The following LIFR variants were observed in gnomAD, a reference collection of about 807,000 sequenced individuals.
LIFR encodes the protein LIF receptor subunit alpha, also known as leukemia inhibitory factor receptor.
A neutral mutation model predicts 122.2 loss-of-function variants in LIFR; 84 were observed. That is an observed-to-expected ratio of 0.69 (90% CI 0.58 to 0.82). The LOEUF (loss-of-function observed/expected upper bound fraction) is 0.82, where lower values mean the gene tolerates loss of function less well. Among genes scored for constraint, LIFR ranks in the 40% least tolerant of loss-of-function variants. The probability of loss-of-function intolerance (pLI) is 0.00; values close to 1 mark genes in which losing one functional copy is unlikely to be tolerated. For missense variants in LIFR, 1,294 were observed against 1,311.6 expected, an observed-to-expected ratio of 0.99 and a Z score of 0.21; for synonymous variants, 422 against 434.7, an observed-to-expected ratio of 0.97 and a Z score of 0.36.
chr5:38,511,691 G>T, intron 6 of LIFR, 99 bp downstream of exon 6: 1 of 1,169,104 alleles, frequency 8.6e-7, no homozygotes, highest in Non-Finnish European at 1.3e-6. Flanking sequence ...TCATGCAGCT[G>T]AATGAGGTTA....
chr5:38,596,747 G>T (rs2112775397), upstream of LIFR, among the ~76,000 whole-genome samples: 1 of 152,102 alleles, frequency 6.6e-6, no homozygotes, highest in East Asian at 1.9e-4. Flanking sequence ...GATCACACCT[G>T]GTCAACCCTA....
chr5:38,506,427 G>A (rs1745486262), intron 8 of LIFR, 76 bp downstream of exon 8: 1 of 1,508,222 alleles, frequency 6.6e-7, no homozygotes, highest in Admixed American at 1.7e-5. Context: ...ATGATCTAGT[G>A]CAGTTCCCTA....
rs752493157 is a variant in LIFR at position 38,506,559 on chromosome 5, T to C, written c.1065A>G (p.Pro355=). 6.2e-7 allele frequency: 1 copy of C among 1,614,014 alleles called. No individual in the cohort carries two copies. The highest frequency in any genetic ancestry group is 1.7e-5 in the Admixed American group (1 of 60,026). Residue 355 remains proline (P), a synonymous_variant, in exon 8 of 20, where the codon CCA becomes CCG. Coordinates refer to ENST00000453190, the MANE Select transcript of LIFR (RefSeq NM_001127671.2). ...DLKEIICSWN[P]GRVTALVGPR... ...GGCCCACCAACGCTGTCACCCTTCCTGGATTCCAACTACATATAATTTCTT... is the reference window on the plus strand; with the variant it reads ...GGCCCACCAACGCTGTCACCCTTCCCGGATTCCAACTACATATAATTTCTT...
At chr5:38,489,011 T>A in intron 16 of LIFR, 67 bp downstream of exon 16, 2 of 1,395,092 alleles carry the variant, frequency 1.4e-6, no homozygotes, top group Non-Finnish European at 1.0e-6. Context: ...GGACTTTCCT[T>A]TTTTTTCTGT....
chr5:38,498,056 C>CT (rs1156824429), intron 12 of LIFR, among the ~76,000 whole-genome samples: 2 of 152,174 alleles, frequency 1.3e-5, no homozygotes, highest in African/African-American at 4.8e-5. Flanking sequence ...TTCATAACAA[C>CT]TGCCTTAATT....
chr5:38,529,432 ATTAAAT>A (rs934640995), intron 2 of LIFR, among the ~76,000 whole-genome samples: 14 of 152,246 alleles, frequency 9.2e-5, no homozygotes, highest in African/African-American at 3.1e-4. Flanking sequence ...TATGAAGTAT[ATTAAAT>A]TTAAACAGTA....
At chr5:38,544,993 G>C (rs1355550732) in intron 1 of LIFR, among the ~76,000 whole-genome samples, 1 of 152,224 alleles carries the variant, frequency 6.6e-6, no homozygotes, top group African/African-American at 2.4e-5. Context: ...ATCATGGCCA[G>C]GCACAGTGGC....
chr5:38,540,316 G>T (rs902208956), intron 1 of LIFR, among the ~76,000 whole-genome samples: 1 of 152,172 alleles, frequency 6.6e-6, no homozygotes, highest in Non-Finnish European at 1.5e-5. Context: ...TGTACAATGT[G>T]ATTAGAAATT....
chr5:38,526,433 GTGTGTGTGTA>G (rs914014355), intron 4 of LIFR, among the ~76,000 whole-genome samples: 16 of 150,684 alleles, frequency 1.1e-4, no homozygotes, highest in African/African-American at 3.4e-4. Context: ...GTGTGTGTGT[GTGTGTGTGTA>G]TATATATATA....
chr5:38,606,379 C>G (rs554603855), intron 1 of LIFR: 60 of 152,254 alleles, frequency 3.9e-4, no homozygotes, highest in African/African-American at 1.4e-3. Flanking sequence ...GACGGTTCCA[C>G]ACACTTTTAA....
intron 4 of LIFR, among the ~76,000 whole-genome samples, chr5:38,525,942 T>C (rs1746654643): frequency 6.6e-6 from 1 of 152,222 alleles, no homozygotes; most frequent in Non-Finnish European, 1.5e-5. Context: ...TTACATTTTA[T>C]TTAAATAGCA....
chr5:38,546,631 C>A (rs1308680302), intron 1 of LIFR, among the ~76,000 whole-genome samples: 1 of 152,160 alleles, frequency 6.6e-6, no homozygotes, highest in Non-Finnish European at 1.5e-5. Flanking sequence ...GAGACAAGTT[C>A]CAGTTGCCAT....
At chr5:38,601,652 C>T (rs1159944026) in intron 2 of LIFR, among the ~76,000 whole-genome samples, 3 of 152,214 alleles carry the variant, frequency 2.0e-5, no homozygotes, top group Admixed American at 1.3e-4. Flanking sequence ...CTGGCTCCTT[C>T]CTCCAAGCTC....
chr5:38,597,660 C>T (rs966449710), upstream of LIFR, among the ~76,000 whole-genome samples: 3 of 152,168 alleles, frequency 2.0e-5, no homozygotes, highest in African/African-American at 7.2e-5. Flanking sequence ...CAGCCTTGCA[C>T]AACTAAGAAA....
At chr5:38,493,553 G>T in intron 14 of LIFR, 53 bp downstream of exon 14, 1 of 1,523,212 alleles carries the variant, frequency 6.6e-7, no homozygotes, top group African/African-American at 1.4e-5. Context: ...CTTACGTGTT[G>T]CCTTTTAAAA....
At chr5:38,571,383 C>A (rs1159939247) in intron 1 of LIFR, among the ~76,000 whole-genome samples, 1 of 152,012 alleles carries the variant, frequency 6.6e-6, no homozygotes, top group Non-Finnish European at 1.5e-5. Flanking sequence ...GAAACCCTGT[C>A]TCTACTAAAA....
intron 1 of LIFR, among the ~76,000 whole-genome samples, chr5:38,581,832 A>G (rs1749591680): frequency 6.6e-6 from 1 of 152,188 alleles, no homozygotes; most frequent in African/African-American, 2.4e-5. Flanking sequence ...TGGAACAAGT[A>G]ATTGGAAACA....
rs1484448881 is a variant in LIFR, at chr5:38,476,975, T to G, written c.*4620A>C. 9.0e-6 allele frequency: 2 copies of G among 221,970 alleles called. No individual in the cohort carries two copies. The highest frequency in any genetic ancestry group is 4.5e-5 in the African/African-American group (2 of 44,782). The allele number at this position is 221,970 out of a possible 1,614,324, so 13.8% of individuals were successfully genotyped here. A position where few individuals can be genotyped will look rare whatever the true frequency, so the allele number is the denominator to read the frequency against. ...AATAGAATCCTGTCATAACCCAATA[T>G]CATAATTACAAGGATCTGGATATAT... On this transcript the variant is annotated 3_prime_UTR_variant, in exon 20 of 20. Coordinates refer to ENST00000453190, the MANE Select transcript of LIFR (RefSeq NM_001127671.2).
At chr5:38,528,401 C>T (rs974822182) in intron 3 of LIFR, among the ~76,000 whole-genome samples, 12 of 152,214 alleles carry the variant, frequency 7.9e-5, no homozygotes, top group African/African-American at 2.7e-4. Flanking sequence ...TGGACTCACA[C>T]TAAGACCGTC....
Sources: allele counts gnomAD v4.1 joint callset (sites outside exome capture counted in the v4.1 genomes callset), GRCh38; gene constraint gnomAD v4.1.1; transcripts MANE v1.5; gene names NCBI Gene and HGNC (gene_info 2026-07-23, HGNC 2026-07-21).